The following SH3PXD2A variants were observed in gnomAD, a reference collection of about 807,000 sequenced individuals.
SH3PXD2A encodes SH3 and PX domain-containing protein 2A.
A neutral mutation model predicts 115.2 loss-of-function variants in SH3PXD2A; 32 were observed. The ratio of observed to expected loss-of-function variants is 0.28; its 90% CI spans 0.21 to 0.37. The LOEUF is 0.37. Ranked by LOEUF, SH3PXD2A falls within the 10% of genes least tolerant of loss-of-function variation. The pLI, the probability that SH3PXD2A is intolerant of heterozygous loss-of-function variation, is 1.00. For synonymous variants in SH3PXD2A, 610 were observed against 629.1 expected (o/e 0.97, Z 0.45); for missense variants, 1,328 against 1,498.7 (o/e 0.89, Z 1.88).
chr10:103,683,963 G>C (rs183698146), intron 6 of SH3PXD2A, among the ~76,000 whole-genome samples: 1 of 152,220 alleles, frequency 6.6e-6, no homozygotes, highest in Non-Finnish European at 1.5e-5. Context: ...AAACTATTAA[G>C]AGAAGTGAAA....
At chr10:103,764,419 G>A (rs930689314) in intron 3 of SH3PXD2A, among the ~76,000 whole-genome samples, 3 of 151,654 alleles carry the variant, frequency 2.0e-5, no homozygotes, top group Non-Finnish European at 4.4e-5. Context: ...GCTGAAGCAA[G>A]GCAAGAAAAG....
intron 5 of SH3PXD2A, among the ~76,000 whole-genome samples, chr10:103,714,539 A>G (rs2038083266): frequency 6.6e-6 from 1 of 152,204 alleles, no homozygotes; most frequent in South Asian, 2.1e-4. Context: ...GAGCCTGCAG[A>G]AGTCCTTGTT....
rs34117845 is a variant in SH3PXD2A, at chr10:103,606,376, AT to A, written c.1309-460del. ...AGGCACACACCACCACACCTGGTTAATTTTTTTTTTTTTTTTTGGTAGAGAT... is the reference window on the plus strand; with the variant it reads ...AGGCACACACCACCACACCTGGTTAATTTTTTTTTTTTTTTTGGTAGAGAT... On this transcript the variant is annotated intron_variant, in intron 13 of 14. Transcript: ENST00000369774. Among the ~76,000 whole-genome samples, 748 of 78,274 alleles carry A rather than the reference AT, an allele frequency of 9.6e-3. 17 individuals carry two copies. The highest frequency in any genetic ancestry group is 0.032 in the African/African-American group (672 of 21,204). 51.4% of individuals were successfully genotyped at this position (78,274 alleles called of 152,430 possible).
At chr10:103,847,006 T>G (rs2134325267) in intron 1 of SH3PXD2A, among the ~76,000 whole-genome samples, 1 of 152,368 alleles carries the variant, frequency 6.6e-6, no homozygotes, top group African/African-American at 2.4e-5. Flanking sequence ...AACATCCATA[T>G]GAGATGCTTA....
chr10:103,652,111 G>C (rs758429238), intron 8 of SH3PXD2A, among the ~76,000 whole-genome samples: 18 of 152,270 alleles, frequency 1.2e-4, no homozygotes, highest in Non-Finnish European at 2.1e-4. Context: ...ACTCAGGGGA[G>C]GCAAACGAAC....
intron 6 of SH3PXD2A, among the ~76,000 whole-genome samples, chr10:103,688,525 A>C (rs2037708085): frequency 6.6e-6 from 1 of 152,218 alleles, no homozygotes; most frequent in South Asian, 2.1e-4. Context: ...CTTCGCTAAG[A>C]AGGTGACAGT....
At chr10:103,677,683 A>C (rs922550438) in intron 6 of SH3PXD2A, among the ~76,000 whole-genome samples, 6 of 152,210 alleles carry the variant, frequency 3.9e-5, no homozygotes, top group Non-Finnish European at 5.9e-5. Context: ...AGCGCATAGT[A>C]GGTGCTTATT....
chr10:103,720,861 T>C (rs1429106256), intron 5 of SH3PXD2A, among the ~76,000 whole-genome samples: 1 of 152,118 alleles, frequency 6.6e-6, no homozygotes, highest in Non-Finnish European at 1.5e-5. Flanking sequence ...CAGGTCTCTC[T>C]TGGTGGGTCC....
chr10:103,634,226 T>C (rs546791288), intron 8 of SH3PXD2A, among the ~76,000 whole-genome samples: 5 of 152,182 alleles, frequency 3.3e-5, no homozygotes, highest in Admixed American at 1.3e-4. Context: ...GAGGAGAGGA[T>C]GCCTCCAGTG....
At position 103,735,774 on chromosome 10, in the gene SH3PXD2A, G is replaced by A. The variant is rs745689221; in HGVS notation, c.264C>T (p.Asp88=). The A allele has an allele frequency of 3.7e-6, 6 of 1,607,956 alleles. No homozygotes were observed. Among genetic ancestry groups the A allele is most frequent in the South Asian group, 3.3e-5 (3 of 90,970 alleles). The change falls in exon 4 of 15, where the codon GAC becomes GAT. Residue 88 remains aspartate (D), a synonymous_variant. Transcript: ENST00000369774. ...TGGGCTTCAGTCTCTTCACAGCTAC[G>A]TCCCGGATGTGGCTTCTGCGGAAGA... ...KILFRRSHIR[D]VAVKRLKPID...
rs544075409 is a variant in SH3PXD2A at position 103,668,595 on chromosome 10, C to T, written c.472+13G>A. On this transcript the variant is annotated intron_variant, in intron 7 of 14. Transcript: ENST00000369774. Reference sequence around the variant, plus strand: ...ACACATGCTCACACACATGCATGCACGCTGGGCAGTACCTGTCACGTCCTT... The same window carrying T: ...ACACATGCTCACACACATGCATGCATGCTGGGCAGTACCTGTCACGTCCTT... The T allele has an allele frequency of 3.7e-5, 57 of 1,552,212 alleles. No individual in the cohort carries two copies. Among genetic ancestry groups the T allele is most frequent in the South Asian group, 2.7e-4 (23 of 84,156 alleles).
intron 1 of SH3PXD2A, among the ~76,000 whole-genome samples, chr10:103,804,407 C>T (rs1383087355): frequency 5.4e-5 from 8 of 149,338 alleles, no homozygotes; most frequent in East Asian, 2.0e-4. Context: ...TTGTGACCTC[C>T]GCCTCCCGGG....
chr10:103,720,098 C>G (rs1460583739), intron 5 of SH3PXD2A, among the ~76,000 whole-genome samples: 1 of 152,194 alleles, frequency 6.6e-6, no homozygotes, highest in Non-Finnish European at 1.5e-5. Context: ...AAGGTGTCAG[C>G]AGATTTGGTG....
chr10:103,813,999 T>TAAAAAAAAAA (rs781401560), intron 1 of SH3PXD2A, among the ~76,000 whole-genome samples: 10 of 60,276 alleles, frequency 1.7e-4, no homozygotes, highest in East Asian at 1.6e-3. Context: ...CTGGACTAGC[T>TAAAAAAAAAA]AAAAAAAAAA....
chr10:103,735,482 C>T (rs983434981), intron 4 of SH3PXD2A, among the ~76,000 whole-genome samples: 3 of 152,228 alleles, frequency 2.0e-5, no homozygotes, highest in Non-Finnish European at 2.9e-5. Context: ...TGACTTAAAA[C>T]TGTGTTTTGT....
intron 4 of SH3PXD2A, 25 bp downstream of exon 4, chr10:103,735,706 TC>T: frequency 7.7e-6 from 5 of 645,386 alleles, no homozygotes; most frequent in Non-Finnish European, 1.1e-5. Flanking sequence ...CCCGAGCCCC[TC>T]CCCCAGCCCC....
chr10:103,656,211 C>T (rs745745829), intron 8 of SH3PXD2A, among the ~76,000 whole-genome samples: 9 of 152,212 alleles, frequency 5.9e-5, no homozygotes, highest in Non-Finnish European at 8.8e-5. Context: ...AACCTACCCA[C>T]CAACAGCCTC....
chr10:103,683,024 C>T (rs1369587643), intron 6 of SH3PXD2A, among the ~76,000 whole-genome samples: 2 of 152,112 alleles, frequency 1.3e-5, no homozygotes, highest in African/African-American at 4.8e-5. Context: ...TACCCTCGCT[C>T]CTGCCGGGAT....
chr10:103,786,721 C>T (rs1047877986), intron 2 of SH3PXD2A, among the ~76,000 whole-genome samples: 1 of 152,058 alleles, frequency 6.6e-6, no homozygotes, highest in Admixed American at 6.5e-5. Context: ...GTGGTGCCTA[C>T]ATCCCAGGGT....
Sources: gnomAD v4.1 joint callset for allele counts (sites outside exome capture counted in the v4.1 genomes callset) on GRCh38, gnomAD v4.1.1 for gene constraint, MANE v1.5 for transcripts, NCBI Gene and HGNC (gene_info 2026-07-23, HGNC 2026-07-21) for gene names.